Variants in NAV2 observed in about 807,000 individuals in gnomAD.
NAV2 encodes helicase, APC down-regulated 1.
In NAV2, 54 loss-of-function variants were observed where a neutral mutation model predicts 223.2. The ratio of observed to expected loss-of-function variants is 0.24; its 90% CI spans 0.19 to 0.30. The LOEUF (loss-of-function observed/expected upper bound fraction) is 0.30. Among genes scored for constraint, NAV2 ranks in the 10% least tolerant of loss-of-function variants. The pLI is 1.00. For missense variants in NAV2, 2,806 were observed against 3,147.5 expected (o/e 0.89, Z 2.60); for synonymous variants, 1,279 against 1,239.3 (o/e 1.03, Z -0.67).
At chr11:19,623,574 G>T (rs2047074366) in intron 1 of NAV2, among the ~76,000 whole-genome samples, 1 of 152,144 alleles carries the variant, frequency 6.6e-6, no homozygotes, top group Non-Finnish European at 1.5e-5. Flanking sequence ...TGAAGCTTGT[G>T]CATTTGTCAC....
intron 16 of NAV2, among the ~76,000 whole-genome samples, chr11:20,050,317 A>C (rs763758822): frequency 1.3e-5 from 2 of 151,796 alleles, no homozygotes; most frequent in Non-Finnish European, 2.9e-5. Context: ...ACCCCTCCCC[A>C]TGCAGCTGCC....
chr11:19,461,057 G>C (rs971181741), intron 1 of NAV2, among the ~76,000 whole-genome samples: 2 of 152,206 alleles, frequency 1.3e-5, no homozygotes, highest in Non-Finnish European at 2.9e-5. Flanking sequence ...ACAGAGTTCA[G>C]GTGCTGCAGT....
At chr11:20,103,815 G>A in intron 34 of NAV2, 91 bp downstream of exon 34, 2 of 1,110,816 alleles carry the variant, frequency 1.8e-6, no homozygotes, top group South Asian at 2.5e-5. Flanking sequence ...TGTTGAGTAT[G>A]TGTTGTATGC....
chr11:20,063,723 AG>A (rs1053341725), intron 20 of NAV2, among the ~76,000 whole-genome samples: 5 of 152,156 alleles, frequency 3.3e-5, no homozygotes, highest in South Asian at 4.1e-4. Flanking sequence ...GAATTTCTAC[AG>A]GGAAAAAAAA....
At chr11:19,512,723 CCTT>C (rs1159477121) in intron 1 of NAV2, among the ~76,000 whole-genome samples, 3 of 152,204 alleles carry the variant, frequency 2.0e-5, no homozygotes, top group Non-Finnish European at 4.4e-5. Flanking sequence ...AACTTGGTCT[CCTT>C]CTCCTTGTCA....
chr11:19,591,674 C>T (rs915267190), intron 1 of NAV2, among the ~76,000 whole-genome samples: 16 of 152,168 alleles, frequency 1.1e-4, no homozygotes, highest in African/African-American at 2.4e-4. Context: ...TAAAATTCCA[C>T]GGTCCAGAAC....
At chr11:20,091,514 A>G (rs2060848622) in intron 27 of NAV2, among the ~76,000 whole-genome samples, 1 of 152,050 alleles carries the variant, frequency 6.6e-6, no homozygotes, top group African/African-American at 2.4e-5. Context: ...GCAGCTGGAG[A>G]GTTAGTACCC....
At chr11:19,687,070 C>T (rs1447696095) in intron 1 of NAV2, among the ~76,000 whole-genome samples, 1 of 152,224 alleles carries the variant, frequency 6.6e-6, no homozygotes, top group East Asian at 1.9e-4. Context: ...TTTGCCTCCC[C>T]TCCGAGGACC....
At chr11:19,914,171 T>A (rs1003038863) in intron 6 of NAV2, among the ~76,000 whole-genome samples, 8 of 152,364 alleles carry the variant, frequency 5.3e-5, no homozygotes, top group South Asian at 4.1e-4. Flanking sequence ...CAGAATCAAT[T>A]GTTAGTCATT....
At chr11:19,503,695 T>C (rs2043031115) in intron 1 of NAV2, 1 of 152,240 alleles carries the variant, frequency 6.6e-6, no homozygotes, top group South Asian at 2.1e-4. Context: ...TACAGTCACC[T>C]ACTGAAGGAT....
At chr11:19,777,542 C>A (rs746104761) in intron 1 of NAV2, 14 of 455,500 alleles carry the variant, frequency 3.1e-5, no homozygotes, top group South Asian at 2.2e-4. Flanking sequence ...CAGACCGCAC[C>A]CCCTGGGCGC....
At chr11:19,807,152 C>T (rs991887356) in intron 1 of NAV2, among the ~76,000 whole-genome samples, 1 of 152,212 alleles carries the variant, frequency 6.6e-6, no homozygotes, top group African/African-American at 2.4e-5. Flanking sequence ...AATGCGTTAG[C>T]AACCCATGGC....
rs1295110922 is a variant in NAV2, at chr11:19,956,396, GCTCT to G, written c.2645+7331_2645+7334del. On this transcript the variant is annotated intron_variant, in intron 10 of 37. Transcript: ENST00000349880. ...CACACACACACACACACACACACAC[GCTCT>G]CTCTCTCTCTCTCTATCTCTCCAGA... 6.1e-3 allele frequency among the ~76,000 whole-genome samples: 906 copies of G among 148,948 alleles called. 5 individuals carry two copies. Among genetic ancestry groups the G allele is most frequent in the Non-Finnish European group, 0.01 (696 of 66,926 alleles).
intron 1 of NAV2, among the ~76,000 whole-genome samples, chr11:19,759,793 C>T (rs924492914): frequency 4.6e-5 from 7 of 152,074 alleles, no homozygotes; most frequent in Non-Finnish European, 8.8e-5. Context: ...ACAAAGTGCT[C>T]ATCACATCCT....
At chr11:19,931,686 CAT>C (rs1177808961) in intron 6 of NAV2, 1 of 150,668 alleles carries the variant, frequency 6.6e-6, no homozygotes, top group African/African-American at 2.4e-5. Flanking sequence ...TAATTAGAAA[CAT>C]GAGCAGTTTA....
In NAV2 at chr11:19,934,692, A is replaced by G. The variant is rs183036762; in HGVS notation, c.2033+415A>G. On this transcript the variant is annotated intron_variant, in intron 7 of 37. Transcript: ENST00000349880. Reference sequence around the variant, plus strand: ...TTAAAAAATAAATAAAATAATAAACACCTGGCTCAATAACTAAGATTTCTT... The same window carrying G: ...TTAAAAAATAAATAAAATAATAAACGCCTGGCTCAATAACTAAGATTTCTT... 3.8e-3 allele frequency among the ~76,000 whole-genome samples: 582 copies of G among 152,140 alleles called. 5 individuals are homozygous for G. The highest frequency in any genetic ancestry group is 6.6e-3 in the Admixed American group (101 of 15,284).
chr11:19,533,321 C>T (rs992152546), intron 1 of NAV2, among the ~76,000 whole-genome samples: 4 of 152,070 alleles, frequency 2.6e-5, no homozygotes, highest in Admixed American at 6.5e-5. Flanking sequence ...ATGCCATTAG[C>T]GACAACTCCC....
Position 19,779,920 on chromosome 11 carries a change from A to C in NAV2, c.268-52564A>C, listed in dbSNP as rs143125722. ...TCTTGGAAGTCAATTGTGTGTGAAT[A>C]ACTGCTCCAGAATGAGGCCTGGGGC... On this transcript the variant is annotated intron_variant, in intron 1 of 37. Coordinates refer to ENST00000349880, the MANE Select transcript of NAV2 (RefSeq NM_145117.5). Among the ~76,000 whole-genome samples, 303 of 152,344 alleles carry C rather than the reference A, an allele frequency of 2.0e-3. 2 individuals are homozygous for C. Among genetic ancestry groups the C allele is most frequent in the African/African-American group, 6.8e-3 (283 of 41,588 alleles).
intron 6 of NAV2, among the ~76,000 whole-genome samples, chr11:19,925,744 T>C (rs1010882693): frequency 2.1e-5 from 3 of 145,744 alleles, no homozygotes; most frequent in Non-Finnish European, 4.5e-5. Context: ...TAAGATTCTG[T>C]CTCAAAAAAA....
Sources: gnomAD v4.1 joint callset for allele counts (sites outside exome capture counted in the v4.1 genomes callset) on GRCh38, gnomAD v4.1.1 for gene constraint, MANE v1.5 for transcripts, NCBI Gene and HGNC (gene_info 2026-07-23, HGNC 2026-07-21) for gene names.